Variants in MSI2 observed in about 807,000 individuals in gnomAD.
MSI2 encodes the protein musashi RNA binding protein 2.
In MSI2, 17 loss-of-function variants were observed where a neutral mutation model predicts 45.6. The ratio of observed to expected loss-of-function variants is 0.37; its 90% confidence interval spans 0.26 to 0.56. MSI2 has a LOEUF of 0.56. Ranked by LOEUF, MSI2 falls within the 20% of genes least tolerant of loss-of-function variation. The pLI is 0.77. For synonymous variants in MSI2, 156 were observed against 158.2 expected, an observed-to-expected ratio of 0.99 and a Z score of 0.11; for missense variants, 293 against 444.2, an observed-to-expected ratio of 0.66 and a Z score of 3.06.
chr17:57,649,022 T>A (rs1910914520), intron 10 of MSI2, among the ~76,000 whole-genome samples: 1 of 152,204 alleles, frequency 6.6e-6, no homozygotes, highest in Non-Finnish European at 1.5e-5. Flanking sequence ...GCGAAGGGCC[T>A]GTCCTGGAGA....
chr17:57,592,672 A>T (rs576874277), intron 7 of MSI2, among the ~76,000 whole-genome samples: 1 of 152,208 alleles, frequency 6.6e-6, no homozygotes, highest in East Asian at 1.9e-4. Context: ...CATTTTTGTG[A>T]TACTTGAATT....
intron 1 of MSI2, 128 bp from the exon 2 acceptor site, chr17:57,256,970 T>A: frequency 6.2e-6 from 9 of 1,447,946 alleles, no homozygotes; most frequent in Non-Finnish European, 7.4e-6. Context: ...CGTCACCTTC[T>A]CCCCCACCCC....
At chr17:57,437,618 T>C (rs367573319) in intron 6 of MSI2, among the ~76,000 whole-genome samples, 3 of 152,310 alleles carry the variant, frequency 2.0e-5, no homozygotes, top group East Asian at 3.9e-4. Flanking sequence ...GGCTCTCTTT[T>C]CTTCCGTATG....
chr17:57,676,224 T>A (rs1913216788), intron 12 of MSI2, among the ~76,000 whole-genome samples: 1 of 151,922 alleles, frequency 6.6e-6, no homozygotes, highest in African/African-American at 2.4e-5. Context: ...ATACACACAC[T>A]CACACGCACG....
At chr17:57,393,776 G>T (rs2083839113) in intron 5 of MSI2, among the ~76,000 whole-genome samples, 1 of 152,178 alleles carries the variant, frequency 6.6e-6, no homozygotes, top group South Asian at 2.1e-4. Context: ...CCGCCTCCCG[G>T]GTTCAAGTGA....
chr17:57,284,268 G>A (rs1229126969), intron 5 of MSI2, among the ~76,000 whole-genome samples: 1 of 152,076 alleles, frequency 6.6e-6, no homozygotes, highest in Non-Finnish European at 1.5e-5. Flanking sequence ...TTTCGAAGGT[G>A]GCCCTCATTT....
chr17:57,616,648 A>G (rs1452237142), intron 9 of MSI2: 1 of 151,334 alleles, frequency 6.6e-6, no homozygotes, highest in Non-Finnish European at 1.5e-5. Flanking sequence ...AAAAAAAAAG[A>G]TGAAAGACAA....
chr17:57,649,172 A>G (rs1395860703), intron 10 of MSI2, among the ~76,000 whole-genome samples: 1 of 152,124 alleles, frequency 6.6e-6, no homozygotes, highest in East Asian at 1.9e-4. Flanking sequence ...ACATCTACAT[A>G]TACCCAACAC....
chr17:57,680,699 G>A lies in MSI2; in HGVS notation c.*1182G>A, dbSNP rs995091405. The stretch of plus-strand genomic sequence containing the variant: ...TCCCAAGATGTTTTTTAAAAACAAA[G>A]CTACAATTTTAATATTTAACATATT... On this transcript the variant is annotated 3_prime_UTR_variant, in exon 14 of 14. Coordinates refer to ENST00000284073, the MANE Select transcript of MSI2 (RefSeq NM_138962.4). 27 of 126,486 alleles carry A rather than the reference G, an allele frequency of 2.1e-4. No individual in the cohort carries two copies. Among genetic ancestry groups the A allele is most frequent in the East Asian group, 7.1e-4 (3 of 4,210 alleles). 7.8% of individuals were successfully genotyped at this position (126,486 alleles called of 1,614,324 possible).
At chr17:57,261,987 G>A (rs1465293383) in intron 4 of MSI2, 164 bp from the exon 5 acceptor site, 7 of 670,480 alleles carry the variant, frequency 1.0e-5, no homozygotes, top group Admixed American at 2.7e-5. Flanking sequence ...TGGAGGGATG[G>A]TTAAAGTTGA....
At chr17:57,644,690 A>AAGGG (rs1309380518) in intron 10 of MSI2, among the ~76,000 whole-genome samples, 2 of 152,178 alleles carry the variant, frequency 1.3e-5, no homozygotes, top group African/African-American at 4.8e-5. Context: ...GCTGCTGGGG[A>AAGGG]GATGCAAGCA....
intron 7 of MSI2, among the ~76,000 whole-genome samples, chr17:57,592,308 C>T (rs1904912526): frequency 6.6e-6 from 1 of 152,070 alleles, no homozygotes; most frequent in African/African-American, 2.4e-5. Flanking sequence ...AATTTCTGAC[C>T]CCATTGTTTT....
At chr17:57,287,827 G>A (rs150153263) in intron 5 of MSI2, among the ~76,000 whole-genome samples, 22 of 152,326 alleles carry the variant, frequency 1.4e-4, no homozygotes, top group Admixed American at 5.2e-4. Context: ...GCCATTGTGC[G>A]TAAGGAGTGC....
chr17:57,574,496 C>T (rs1022712828), intron 7 of MSI2, among the ~76,000 whole-genome samples: 1 of 152,174 alleles, frequency 6.6e-6, no homozygotes, highest in East Asian at 1.9e-4. Flanking sequence ...TCCACAGAGC[C>T]CAGGTCAAGG....
In MSI2 at chr17:57,627,345, T is replaced by C; in HGVS notation, c.727+42T>C. 1 of 1,584,382 alleles carries C rather than the reference T, an allele frequency of 6.3e-7. No homozygotes were observed. Among genetic ancestry groups the C allele is most frequent in the Non-Finnish European group, 8.7e-7 (1 of 1,153,024 alleles). ...CCCAGGGCTTTGGAAGCACAAGAGG[T>C]GGGCTGCATTTGCGGGGAGGTGAGA... On this transcript the variant is annotated intron_variant, in intron 10 of 13. Transcript: ENST00000284073. This position sits in a 1 kb window ranked among gnomAD's most constrained non-coding sequence, Gnocchi z 4.6.
At chr17:57,369,660 A>G (rs560271871) in intron 5 of MSI2, among the ~76,000 whole-genome samples, 1 of 152,370 alleles carries the variant, frequency 6.6e-6, no homozygotes, top group South Asian at 2.1e-4. Context: ...AGAGGGGCCC[A>G]GGGCCCACAT....
chr17:57,387,989 C>G (rs1390621339), intron 5 of MSI2, among the ~76,000 whole-genome samples: 1 of 152,232 alleles, frequency 6.6e-6, no homozygotes, highest in Non-Finnish European at 1.5e-5. Context: ...TAGTAAAATG[C>G]ATTACAGGAT....
intron 6 of MSI2, among the ~76,000 whole-genome samples, chr17:57,481,510 T>TAGTAACTAGCAAAG (rs1457779162): frequency 6.6e-6 from 1 of 152,220 alleles, no homozygotes; most frequent in African/African-American, 2.4e-5. Context: ...CCCCTTCTCC[T>TAGTAACTAGCAAAG]TTGCTAGTAA....
At chr17:57,300,803 C>T (rs999254431) in intron 5 of MSI2, among the ~76,000 whole-genome samples, 13 of 152,152 alleles carry the variant, frequency 8.5e-5, no homozygotes, top group Admixed American at 2.6e-4. Flanking sequence ...CTTATAAAAC[C>T]GTCAGATCTT....
Sources: allele counts gnomAD v4.1 joint callset (sites outside exome capture counted in the v4.1 genomes callset), GRCh38; gene constraint gnomAD v4.1.1; non-coding constraint Gnocchi (gnomAD v3.1); transcripts MANE v1.5; gene names NCBI Gene and HGNC (gene_info 2026-07-23, HGNC 2026-07-21).